Variants in DCLK1 observed in about 807,000 individuals in gnomAD.
DCLK1 encodes the protein doublecortin like kinase 1, also known as serine/threonine-protein kinase DCLK1.
Under a neutral mutation model 86.2 loss-of-function variants are expected in DCLK1, and 16 were observed. The ratio of observed to expected loss-of-function variants is 0.19; its 90% confidence interval spans 0.13 to 0.28. The LOEUF (loss-of-function observed/expected upper bound fraction) is 0.28, where lower values mean the gene tolerates loss of function less well. Among genes scored for constraint, DCLK1 ranks in the 10% least tolerant of loss-of-function variants. The pLI is 1.00. For missense variants in DCLK1, 590 were observed against 940.2 expected, an observed-to-expected ratio of 0.63 and a Z score of 4.87; for synonymous variants, 369 against 370.5, an observed-to-expected ratio of 1.00 and a Z score of 0.05.
At chr13:35,786,210 C>T (rs1375953038) in intron 16 of DCLK1, among the ~76,000 whole-genome samples, 3 of 152,104 alleles carry the variant, frequency 2.0e-5, no homozygotes, top group African/African-American at 4.8e-5. Context: ...GGGTTTAGTT[C>T]CCATCCTTAA....
intron 6 of DCLK1, chr13:35,847,248 A>G: frequency 1.0e-6 from 1 of 985,304 alleles, no homozygotes; most frequent in South Asian, 4.7e-5. Flanking sequence ...ACCATTTGCC[A>G]TACCAGTTGA....
intron 6 of DCLK1, chr13:35,846,317 ATGAGTATCAACTCC>A: frequency 1.0e-6 from 1 of 985,322 alleles, no homozygotes; most frequent in Non-Finnish European, 1.2e-6. Flanking sequence ...TTGCTTACTG[ATGAGTATCAACTCC>A]TCAAAAACAC....
intron 2 of DCLK1, 83 bp downstream of exon 2, chr13:36,125,679 G>T: frequency 6.6e-7 from 1 of 1,518,922 alleles, no homozygotes; most frequent in South Asian, 1.3e-5. Flanking sequence ...AACTGTCAGA[G>T]GGCAAATGCG....
Position 35,826,685 on chromosome 13 carries a change from C to A in DCLK1, c.1407+950G>T, listed in dbSNP as rs556732802. Reference sequence around the variant, plus strand: ...TTCTAAATAACAAAAACTTAAAGACCCTAGAATGAACATTTTTCATATCAT... The same window carrying A: ...TTCTAAATAACAAAAACTTAAAGACACTAGAATGAACATTTTTCATATCAT... On this transcript the variant is annotated intron_variant, in intron 10 of 16. Coordinates refer to ENST00000360631, the MANE Select transcript of DCLK1 (RefSeq NM_001330071.2). Among the ~76,000 whole-genome samples, 15 of 151,860 alleles carry A rather than the reference C, an allele frequency of 9.9e-5. No individual in the cohort carries two copies. In the South Asian group the frequency reaches 2.9e-3, roughly 30 times the overall value.
intron 4 of DCLK1, among the ~76,000 whole-genome samples, chr13:35,903,654 C>A (rs927591160): frequency 1.4e-5 from 2 of 148,016 alleles, no homozygotes; most frequent in Admixed American, 6.7e-5. Context: ...GCTATACATA[C>A]ACACACACAC....
intron 6 of DCLK1, chr13:35,846,253 C>T: frequency 2.0e-6 from 2 of 984,800 alleles, no homozygotes; most frequent in South Asian, 4.7e-5. Context: ...AAATTTACAA[C>T]ATTCATAATA....
At position 36,076,312 on chromosome 13, in the gene DCLK1, G is replaced by C. The variant is rs146437503; in HGVS notation, c.723+35557C>G. ...GTGGTCCTTGCACCAGGAATTTATG[G>C]GCACTTTCACAATTATCATGGATTT... On this transcript the variant is annotated intron_variant, in intron 3 of 16. Transcript: ENST00000360631. 5.6e-3 allele frequency among the ~76,000 whole-genome samples: 856 copies of C among 152,128 alleles called. 11 individuals are homozygous for C. Among genetic ancestry groups the C allele is most frequent in the African/African-American group, 0.02 (821 of 41,510 alleles).
chr13:35,789,551 G>C (rs2086676838), intron 16 of DCLK1, among the ~76,000 whole-genome samples: 1 of 152,150 alleles, frequency 6.6e-6, no homozygotes, highest in African/African-American at 2.4e-5. Context: ...TCTCATTTTA[G>C]AACTAAGCTT....
At chr13:35,829,194 A>G (rs1027558894) in intron 8 of DCLK1, among the ~76,000 whole-genome samples, 19 of 152,210 alleles carry the variant, frequency 1.2e-4, no homozygotes, top group Non-Finnish European at 2.4e-4. Flanking sequence ...TGATAGGTGT[A>G]GGAGGAAGGA....
At chr13:35,907,275 A>G (rs563416102) in intron 4 of DCLK1, among the ~76,000 whole-genome samples, 40 of 152,074 alleles carry the variant, frequency 2.6e-4, no homozygotes, top group African/African-American at 9.2e-4. Context: ...TGAGCCTCCC[A>G]CCTCAGCCTC....
chr13:36,046,670 A>T (rs988202543), intron 3 of DCLK1, among the ~76,000 whole-genome samples: 1 of 152,206 alleles, frequency 6.6e-6, no homozygotes. Flanking sequence ...TTATGACCCC[A>T]TTCCTGTAAA....
intron 3 of DCLK1, among the ~76,000 whole-genome samples, chr13:36,037,736 A>T (rs1882559248): frequency 1.3e-5 from 2 of 152,214 alleles, no homozygotes; most frequent in South Asian, 4.2e-4. Flanking sequence ...TGCCTGTCTC[A>T]ACCTCCCAAA....
rs148203407 is a variant in DCLK1 at position 35,889,053 on chromosome 13, T to C, written c.824-17713A>G. On this transcript the variant is annotated intron_variant, in intron 4 of 16. Coordinates refer to ENST00000360631, the MANE Select transcript of DCLK1 (RefSeq NM_001330071.2). The stretch of plus-strand genomic sequence containing the variant: ...ATAATTTTAAAAATATATGCTTTTG[T>C]GTTTAGAAAACAGATAATCTTGTTC... Among the ~76,000 whole-genome samples, 818 of 152,346 alleles carry C rather than the reference T, an allele frequency of 5.4e-3. 8 individuals are homozygous for C. The highest frequency in any genetic ancestry group is 0.019 in the African/African-American group (775 of 41,576).
intron 3 of DCLK1, among the ~76,000 whole-genome samples, chr13:36,045,667 C>T (rs367728648): frequency 5.9e-5 from 9 of 151,840 alleles, no homozygotes; most frequent in Admixed American, 3.9e-4. Context: ...GCCTGGCCAA[C>T]GTGGTAAAAC....
At chr13:35,999,601 ACT>A (rs1218630061) in intron 3 of DCLK1, among the ~76,000 whole-genome samples, 6 of 151,874 alleles carry the variant, frequency 4.0e-5, no homozygotes, top group Non-Finnish European at 8.8e-5. Flanking sequence ...AGGGAGACAG[ACT>A]CTTTCTCCTG....
intron 4 of DCLK1, among the ~76,000 whole-genome samples, chr13:35,928,552 T>C (rs1406396593): frequency 2.6e-5 from 4 of 152,202 alleles, no homozygotes; most frequent in African/African-American, 2.4e-5. Context: ...TTCTTCTTCA[T>C]GGCACTTACC....
intron 4 of DCLK1, among the ~76,000 whole-genome samples, chr13:35,901,230 T>C (rs919404298): frequency 6.6e-6 from 1 of 152,102 alleles, no homozygotes; most frequent in African/African-American, 2.4e-5. Flanking sequence ...CTTACGCCTG[T>C]AATCCCAGCA....
At chr13:35,949,791 A>C (rs1406564570) in intron 3 of DCLK1, among the ~76,000 whole-genome samples, 1 of 152,008 alleles carries the variant, frequency 6.6e-6, no homozygotes, top group Admixed American at 6.6e-5. Context: ...TCTGAGACTT[A>C]AAGAACAGAA....
chr13:35,827,376 C>T (rs1593633866), intron 10 of DCLK1, among the ~76,000 whole-genome samples: 1 of 152,222 alleles, frequency 6.6e-6, no homozygotes, highest in South Asian at 2.1e-4. Context: ...CACCATTAAG[C>T]AGATATTATT....
Sources: allele counts gnomAD v4.1 joint callset (sites outside exome capture counted in the v4.1 genomes callset), GRCh38; gene constraint gnomAD v4.1.1; transcripts MANE v1.5; gene names NCBI Gene and HGNC (gene_info 2026-07-23, HGNC 2026-07-21).